Variants in LRMDA observed in about 807,000 individuals in gnomAD.
The protein encoded by LRMDA is leucine rich melanocyte differentiation associated.
Under a neutral mutation model 29.8 loss-of-function variants are expected in LRMDA, and 18 were observed. The ratio of observed to expected loss-of-function variants is 0.60; its 90% confidence interval spans 0.42 to 0.90. The LOEUF (loss-of-function observed/expected upper bound fraction) is 0.90, where lower values mean the gene tolerates loss of function less well. Ranked by LOEUF, LRMDA falls within the 40% of genes least tolerant of loss-of-function variation. The pLI is 0.00. For missense variants in LRMDA, 273 were observed against 273.9 expected, an observed-to-expected ratio of 1.00 and a Z score of 0.02; for synonymous variants, 125 against 109.4, an observed-to-expected ratio of 1.14 and a Z score of -0.89.
intron 2 of LRMDA, among the ~76,000 whole-genome samples, chr10:75,938,841 G>A (rs1441887780): frequency 2.0e-5 from 3 of 152,188 alleles, no homozygotes; most frequent in Non-Finnish European, 4.4e-5. Flanking sequence ...CTACTGATGA[G>A]TTGTGTGAAG....
intron 2 of LRMDA, among the ~76,000 whole-genome samples, chr10:75,492,109 CCT>C (rs1844995412): frequency 6.6e-6 from 1 of 152,168 alleles, no homozygotes; most frequent in African/African-American, 2.4e-5. Context: ...TGAAATGTCC[CCT>C]TTTTCTTACA....
At chr10:76,520,951 A>G (rs1440362622) in intron 6 of LRMDA, among the ~76,000 whole-genome samples, 1 of 152,176 alleles carries the variant, frequency 6.6e-6, no homozygotes, top group African/African-American at 2.4e-5. Flanking sequence ...CTCATAGAAC[A>G]TTTGATAAAA....
chr10:76,025,339 A>G (rs1192753364), intron 2 of LRMDA, among the ~76,000 whole-genome samples: 3 of 149,134 alleles, frequency 2.0e-5, no homozygotes, highest in African/African-American at 7.5e-5. Flanking sequence ...GGGACTTGCT[A>G]TAATACCTTC....
At chr10:75,939,301 C>T (rs973634767) in intron 2 of LRMDA, among the ~76,000 whole-genome samples, 12 of 152,114 alleles carry the variant, frequency 7.9e-5, no homozygotes, top group African/African-American at 2.9e-4. Flanking sequence ...ACTCTGAATT[C>T]ACTGAACACC....
At chr10:76,082,915 AAGTTGAAGCCAGCTTTG>A (rs1253892798) in intron 5 of LRMDA, among the ~76,000 whole-genome samples, 51 of 152,324 alleles carry the variant, frequency 3.3e-4, no homozygotes, top group Admixed American at 1.0e-3. Context: ...TAGTGGTAGA[AAGTTGAAGCCAGCTTTG>A]AGTTGAAGGA....
intron 2 of LRMDA, among the ~76,000 whole-genome samples, chr10:75,593,770 C>T (rs1281809451): frequency 6.6e-6 from 1 of 151,802 alleles, no homozygotes; most frequent in Non-Finnish European, 1.5e-5. Flanking sequence ...ATCCTGTCGC[C>T]CTTATTTCCT....
At chr10:76,339,262 C>A (rs1207018652) in intron 6 of LRMDA, among the ~76,000 whole-genome samples, 2 of 138,464 alleles carry the variant, frequency 1.4e-5, no homozygotes, top group African/African-American at 2.5e-5. Context: ...ACTTCCTTCC[C>A]CCTCCTTCCA....
chr10:76,527,547 A>T (rs759158812), intron 6 of LRMDA, among the ~76,000 whole-genome samples: 4 of 152,126 alleles, frequency 2.6e-5, no homozygotes, highest in Non-Finnish European at 5.9e-5. Flanking sequence ...AATCACTTTG[A>T]ATCTTTGTTT....
At chr10:75,504,999 T>C (rs1373962326) in intron 2 of LRMDA, among the ~76,000 whole-genome samples, 1 of 151,916 alleles carries the variant, frequency 6.6e-6, no homozygotes, top group East Asian at 1.9e-4. Flanking sequence ...GAGGGCAAGT[T>C]TGAGTGATTG....
At chr10:76,087,208 CAG>C (rs1481229053) in intron 5 of LRMDA, among the ~76,000 whole-genome samples, 2 of 152,072 alleles carry the variant, frequency 1.3e-5, no homozygotes, top group South Asian at 2.1e-4. Flanking sequence ...GCAGGGAAAA[CAG>C]AGGTCAGGTA....
chr10:75,674,514 C>T (rs1207440593), intron 2 of LRMDA, among the ~76,000 whole-genome samples: 1 of 151,744 alleles, frequency 6.6e-6, no homozygotes, highest in African/African-American at 2.4e-5. Flanking sequence ...AGAATATTAT[C>T]GCTCTCTAAC....
At chr10:76,361,253 T>A (rs1254728254) in intron 6 of LRMDA, among the ~76,000 whole-genome samples, 1 of 146,432 alleles carries the variant, frequency 6.8e-6, no homozygotes, top group African/African-American at 2.7e-5. Flanking sequence ...AGAGCGAGAC[T>A]GTCTCAAAAA....
At chr10:75,431,877 G>A (rs1342181781) in intron 1 of LRMDA, 123 bp downstream of exon 1, 4 of 1,012,144 alleles carry the variant, frequency 4.0e-6, no homozygotes, top group Non-Finnish European at 5.1e-6. Context: ...GCGTCTGCAG[G>A]GGGTGAGCTT....
intron 2 of LRMDA, among the ~76,000 whole-genome samples, chr10:75,823,712 G>A (rs1401881235): frequency 6.6e-6 from 1 of 151,024 alleles, no homozygotes. Flanking sequence ...GTGTGTGTGT[G>A]TGTGTGTGTG....
chr10:75,809,457 A>G (rs1378500865), intron 2 of LRMDA, among the ~76,000 whole-genome samples: 1 of 152,060 alleles, frequency 6.6e-6, no homozygotes, highest in Non-Finnish European at 1.5e-5. Flanking sequence ...CAGCTGATCA[A>G]CATAGTGAAA....
chr10:76,012,703 CACTG>C (rs1268812948), intron 2 of LRMDA, among the ~76,000 whole-genome samples: 2 of 152,154 alleles, frequency 1.3e-5, no homozygotes, highest in East Asian at 3.9e-4. Flanking sequence ...GTGTGACAGA[CACTG>C]AGTTAAACTC....
At chr10:75,787,427 A>T (rs1000369117) in intron 2 of LRMDA, among the ~76,000 whole-genome samples, 13 of 152,252 alleles carry the variant, frequency 8.5e-5, no homozygotes, top group African/African-American at 2.9e-4. Context: ...CCTGAATCTT[A>T]TTTGACCAGA....
intron 2 of LRMDA, among the ~76,000 whole-genome samples, chr10:75,967,728 G>A (rs566641688): frequency 2.6e-5 from 4 of 152,070 alleles, no homozygotes; most frequent in Admixed American, 6.6e-5. Context: ...GCACAGAACC[G>A]GCAAGGTCAG....
intron 6 of LRMDA, among the ~76,000 whole-genome samples, chr10:76,547,035 A>G (rs1843428115): frequency 6.6e-6 from 1 of 152,138 alleles, no homozygotes; most frequent in Non-Finnish European, 1.5e-5. Context: ...AGACAATGCT[A>G]GGTAGATTTG....
Sources: gnomAD v4.1 joint callset for allele counts (sites outside exome capture counted in the v4.1 genomes callset) on GRCh38, gnomAD v4.1.1 for gene constraint, MANE v1.5 for transcripts, NCBI Gene and HGNC (gene_info 2026-07-23, HGNC 2026-07-21) for gene names.